Variants in ATP11B observed in about 807,000 individuals in gnomAD.
ATP11B encodes phospholipid-transporting ATPase IF.
A neutral mutation model predicts 157.8 loss-of-function variants in ATP11B; 81 were observed. That is an observed-to-expected ratio of 0.51 (90% CI 0.43 to 0.62). The LOEUF (loss-of-function observed/expected upper bound fraction) is 0.62. Ranked by LOEUF, ATP11B falls within the 20% of genes least tolerant of loss-of-function variation. The probability of loss-of-function intolerance (pLI) is 0.00; values close to 1 mark genes in which losing one functional copy is unlikely to be tolerated. For missense variants in ATP11B, 1,165 were observed against 1,402.2 expected, an observed-to-expected ratio of 0.83 and a Z score of 2.70; for synonymous variants, 451 against 469.4, an observed-to-expected ratio of 0.96 and a Z score of 0.51.
Position 182,857,877 on chromosome 3 carries a change from G to A in ATP11B, c.852-1G>A, listed in dbSNP as rs1463309263. On this transcript the variant is annotated splice_acceptor_variant, in intron 10 of 29. Transcript: ENST00000323116. LOFTEE classifies it high-confidence loss of function. ...TTTATATTCTCTTTTTCTTCCTTAA[G>A]GTCAATGAATACATTTTTGATAATT... is the stretch of plus-strand genomic sequence containing the variant. The A allele has an allele frequency of 1.3e-6, 2 of 1,485,038 alleles. No individual in the cohort carries two copies. The highest frequency in any genetic ancestry group is 1.9e-6 in the Non-Finnish European group (2 of 1,070,904). 92.0% of individuals were successfully genotyped at this position (1,485,038 alleles called of 1,614,324 possible).
At chr3:182,915,832 T>G in intron 29 of ATP11B, 1 of 976,060 alleles carries the variant, frequency 1.0e-6, no homozygotes, top group African/African-American at 1.8e-5. Context: ...TATACTTCTT[T>G]TCACTTAAAA....
rs547456160 is a variant in ATP11B, at chr3:182,875,431, T to TTTG, written c.2252+1431_2252+1433dup. Among the ~76,000 whole-genome samples, 7 of 152,184 alleles carry TTTG rather than the reference T, an allele frequency of 4.6e-5. No individual in the cohort carries two copies. In the South Asian group the frequency reaches 8.3e-4, roughly 18 times the overall value. On this transcript the variant is annotated intron_variant, in intron 19 of 29. Transcript: ENST00000323116. ...GCAGGGGATTTTTTGTTGTTGTTGT[T>TTTG]TTGTTGTTGTTGTTGTTTGTTTGTT...
At chr3:182,797,938 T>C (rs1295263819) in intron 1 of ATP11B, among the ~76,000 whole-genome samples, 5 of 152,100 alleles carry the variant, frequency 3.3e-5, no homozygotes, top group Non-Finnish European at 5.9e-5. Flanking sequence ...AGTGAATTCC[T>C]GTATCCTGGT....
intron 2 of ATP11B, among the ~76,000 whole-genome samples, chr3:182,827,262 A>G (rs967388358): frequency 6.6e-6 from 1 of 152,152 alleles, no homozygotes; most frequent in Non-Finnish European, 1.5e-5. Flanking sequence ...GTAATACAGC[A>G]TTATAGGTTT....
At chr3:182,861,051 C>T (rs1029388861) in intron 12 of ATP11B, among the ~76,000 whole-genome samples, 1 of 145,066 alleles carries the variant, frequency 6.9e-6, no homozygotes, top group Non-Finnish European at 1.5e-5. Flanking sequence ...GGGTACAACA[C>T]AAAAACAATA....
intron 28 of ATP11B, among the ~76,000 whole-genome samples, chr3:182,907,530 A>C (rs1349782173): frequency 2.0e-5 from 3 of 152,254 alleles, no homozygotes; most frequent in Non-Finnish European, 4.4e-5. Flanking sequence ...AAAGATATTC[A>C]AAAGAATCCT....
At chr3:182,841,995 A>T in intron 7 of ATP11B, 80 bp from the exon 8 acceptor site, 1 of 926,664 alleles carries the variant, frequency 1.1e-6, no homozygotes, top group Non-Finnish European at 1.7e-6. Context: ...AAAAAAAAAA[A>T]AACAAAGGAT....
chr3:182,843,618 A>T (rs1719227958), intron 8 of ATP11B: 1 of 152,204 alleles, frequency 6.6e-6, no homozygotes, highest in Admixed American at 6.5e-5. Context: ...CCTAAATGAA[A>T]GGCTTTGTGT....
At chr3:182,828,520 T>C (rs1576981398) in intron 3 of ATP11B, among the ~76,000 whole-genome samples, 1 of 152,058 alleles carries the variant, frequency 6.6e-6, no homozygotes, top group Middle Eastern at 3.2e-3. Context: ...CATAAATGTT[T>C]AGGCTTTTAA....
At chr3:182,824,443 C>T (rs1157315865) in intron 2 of ATP11B, among the ~76,000 whole-genome samples, 3 of 152,138 alleles carry the variant, frequency 2.0e-5, no homozygotes, top group Admixed American at 2.0e-4. Flanking sequence ...CTTCCATTTG[C>T]AATTTTTTGA....
intron 1 of ATP11B, among the ~76,000 whole-genome samples, chr3:182,802,717 C>T (rs1019691015): frequency 3.9e-5 from 6 of 152,090 alleles, no homozygotes; most frequent in Non-Finnish European, 8.8e-5. Flanking sequence ...CCTTTCCTTG[C>T]TTGATTTCTC....
intron 28 of ATP11B, chr3:182,902,536 C>T (rs1248581661): frequency 5.4e-6 from 7 of 1,289,128 alleles, no homozygotes; most frequent in Admixed American, 2.3e-5. Flanking sequence ...CAGCCATTGT[C>T]GAGGGCAAGG....
At chr3:182,819,330 C>G (rs1300738646) in intron 1 of ATP11B, among the ~76,000 whole-genome samples, 1 of 152,146 alleles carries the variant, frequency 6.6e-6, no homozygotes, top group African/African-American at 2.4e-5. Flanking sequence ...CTCAGCCTCC[C>G]AAAGTGCTAG....
intron 1 of ATP11B, among the ~76,000 whole-genome samples, chr3:182,811,494 T>C (rs1319283389): frequency 2.0e-5 from 3 of 152,132 alleles, no homozygotes; most frequent in Non-Finnish European, 2.9e-5. Flanking sequence ...ATTGTGAAAA[T>C]CAATACCAAC....
intron 10 of ATP11B, among the ~76,000 whole-genome samples, chr3:182,851,809 A>G (rs1357819870): frequency 6.6e-6 from 1 of 152,258 alleles, no homozygotes; most frequent in Non-Finnish European, 1.5e-5. Context: ...ACCAAAAATT[A>G]CATGAGATAT....
intron 1 of ATP11B, among the ~76,000 whole-genome samples, chr3:182,803,345 T>C (rs900856492): frequency 1.3e-5 from 2 of 152,218 alleles, no homozygotes; most frequent in African/African-American, 4.8e-5. Context: ...TTCACATGAA[T>C]AGATTGCCCG....
At chr3:182,916,068 C>T (rs747162948) in intron 29 of ATP11B, 5 of 985,266 alleles carry the variant, frequency 5.1e-6, no homozygotes, top group Non-Finnish European at 6.0e-6. Flanking sequence ...TATAATAACA[C>T]CAAGCTACCT....
chr3:182,852,569 C>T (rs1283307531), intron 10 of ATP11B, among the ~76,000 whole-genome samples: 1 of 152,174 alleles, frequency 6.6e-6, no homozygotes, highest in Non-Finnish European at 1.5e-5. Context: ...TTAAGTCTGT[C>T]AAATAGCTTT....
At chr3:182,854,752 T>TACAC (rs71183649) in intron 10 of ATP11B, among the ~76,000 whole-genome samples, 94 of 145,970 alleles carry the variant, frequency 6.4e-4, no homozygotes, top group East Asian at 4.0e-3. Context: ...TGCATGTGTT[T>TACAC]ACACACACAC....
Sources: allele counts gnomAD v4.1 joint callset (sites outside exome capture counted in the v4.1 genomes callset), GRCh38; gene constraint gnomAD v4.1.1; transcripts MANE v1.5; gene names NCBI Gene and HGNC (gene_info 2026-07-23, HGNC 2026-07-21).